Variants in PGM3 observed in about 807,000 individuals in gnomAD.
The protein encoded by PGM3 is phosphoacetylglucosamine mutase.
A neutral mutation model predicts 66.2 loss-of-function variants in PGM3; 40 were observed. The ratio of observed to expected loss-of-function variants is 0.60; its 90% CI spans 0.47 to 0.79. The LOEUF (loss-of-function observed/expected upper bound fraction) is 0.79, where lower values mean the gene tolerates loss of function less well. PGM3 is among the 30% of genes least tolerant of loss of function. PGM3 has a pLI of 0.00. For synonymous variants in PGM3, 191 were observed against 224.2 expected (o/e 0.85, Z 1.32); for missense variants, 537 against 643.4 (o/e 0.83, Z 1.79).
chr6:83,174,998 T>C (rs1787648275), intron 9 of PGM3, among the ~76,000 whole-genome samples: 3 of 152,330 alleles, frequency 2.0e-5, no homozygotes, highest in South Asian at 4.1e-4. Context: ...TTCATCATGC[T>C]CCTCAAGAGT....
At chr6:83,159,834 A>T (rs1381455188), downstream of PGM3, 1 of 1,614,168 alleles carries the variant, frequency 6.2e-7, no homozygotes, top group Non-Finnish European at 8.5e-7. Flanking sequence ...GAGACAACGT[A>T]CACAGGAGGT....
At position 83,167,565 on chromosome 6, in the gene PGM3, A is replaced by G; in HGVS notation, c.*1669T>C. On this transcript the variant is annotated 3_prime_UTR_variant, in exon 13 of 13. Transcript: ENST00000513973. ...GCTTTTTGAGTAAATACAAAGCACA[A>G]CATAAAACTTTTATGTTTGACTCTA... The G allele has an allele frequency of 9.2e-7, 1 of 1,082,476 alleles. No homozygotes were observed. Among genetic ancestry groups the G allele is most frequent in the Non-Finnish European group, 1.1e-6 (1 of 893,796 alleles). 67.1% of individuals were successfully genotyped at this position (1,082,476 alleles called of 1,614,324 possible). A position where few individuals can be genotyped will look rare whatever the true frequency, so the allele number is the denominator to read the frequency against.
At chr6:83,154,097 A>G in the PGM3 span, 1 of 1,612,754 alleles carries the variant, frequency 6.2e-7, no homozygotes, top group Non-Finnish European at 8.5e-7. Context: ...GTCTGATGAA[A>G]TCAGCTACTC....
intron 12 of PGM3, chr6:83,169,871 TGTC>T: frequency 2.3e-6 from 1 of 434,908 alleles, no homozygotes; most frequent in Non-Finnish European, 4.5e-6. Context: ...AGAGTAAGGC[TGTC>T]ATTTAAAGGA....
At chr6:83,187,991 TA>T (rs1331728575) in intron 3 of PGM3, among the ~76,000 whole-genome samples, 1 of 151,998 alleles carries the variant, frequency 6.6e-6, no homozygotes, top group African/African-American at 2.4e-5. Context: ...CAACAGAGGG[TA>T]AAAAAACCAG....
chr6:83,162,768 G>T, downstream of PGM3: 1 of 1,592,114 alleles, frequency 6.3e-7, no homozygotes, highest in South Asian at 1.1e-5. Context: ...TACTGATGCT[G>T]ATGTCATTAT....
chr6:83,172,518 G>A (rs1051641659), intron 10 of PGM3, among the ~76,000 whole-genome samples: 3 of 152,124 alleles, frequency 2.0e-5, no homozygotes, highest in African/African-American at 7.2e-5. Context: ...AATTAGCTAG[G>A]TGTGGTAGTG....
downstream of PGM3, among the ~76,000 whole-genome samples, chr6:83,164,194 A>G (rs923688297): frequency 4.6e-5 from 7 of 150,662 alleles, no homozygotes; most frequent in African/African-American, 4.9e-5. Context: ...TTCCATAACT[A>G]TAAAAATGGA....
chr6:83,164,103 T>C (rs990673072), downstream of PGM3, among the ~76,000 whole-genome samples: 1 of 147,448 alleles, frequency 6.8e-6, no homozygotes, highest in Non-Finnish European at 1.5e-5. Flanking sequence ...TGAGATCTAG[T>C]ATGCAGTGTG....
downstream of PGM3, chr6:83,159,835 C>A (rs1419183292): frequency 6.2e-7 from 1 of 1,614,150 alleles, no homozygotes; most frequent in Non-Finnish European, 8.5e-7. Flanking sequence ...AGACAACGTA[C>A]ACAGGAGGTA....
At chr6:83,186,977 G>A in intron 4 of PGM3, 31 bp downstream of exon 4, 1 of 1,235,742 alleles carries the variant, frequency 8.1e-7, no homozygotes. Flanking sequence ...TTAAATATTA[G>A]TTTAATTTCC....
chr6:83,162,531 AAAGT>A (rs1486327326), downstream of PGM3, among the ~76,000 whole-genome samples: 1 of 152,204 alleles, frequency 6.6e-6, no homozygotes, highest in East Asian at 1.9e-4. Context: ...ACTCATGAAA[AAAGT>A]AATGATGAGT....
In PGM3 at chr6:83,190,846, G is replaced by A. The variant is rs539696655; in HGVS notation, c.167C>T (p.Thr56Ile). Residue 56 changes from threonine (T) to isoleucine (I), a missense_variant, in exon 2 of 13, where the codon ACT becomes ATT. Physicochemically the swap from Thr to Ile is moderately conservative, Grantham distance 89. Transcript: ENST00000513973. ...GGACGCTGTTACCATGACTCCTATAGTGGATTTTGTCTGTTTTGACCTCAG... is the reference window on the plus strand; with the variant it reads ...GGACGCTGTTACCATGACTCCTATAATGGATTTTGTCTGTTTTGACCTCAG... ...AVLRSKQTKSTIGVMVTASHN... is the reference protein window; with the variant it reads ...AVLRSKQTKSIIGVMVTASHN... 6.2e-7 allele frequency: 1 copy of A among 1,614,046 alleles called. No homozygotes were observed. The highest frequency in any genetic ancestry group is 1.3e-5 in the African/African-American group (1 of 75,024).
At chr6:83,151,532 A>T in the PGM3 span, 1 of 1,349,332 alleles carries the variant, frequency 7.4e-7, no homozygotes, top group South Asian at 1.4e-5. Context: ...GAGAAATTAG[A>T]TCGCATTAGT....
chr6:83,184,315 G>A (rs2128500287), intron 4 of PGM3, among the ~76,000 whole-genome samples: 1 of 152,066 alleles, frequency 6.6e-6, no homozygotes, highest in East Asian at 1.9e-4. Context: ...TTTGACTGCA[G>A]GCAAAAAGGA....
Position 83,188,640 on chromosome 6 carries a change from G to A in PGM3, c.363C>T (p.Ala121=), listed in dbSNP as rs1788796145. The change falls in exon 3 of 13, where the codon GCC becomes GCT. Residue 121 remains alanine (A), a synonymous_variant. Transcript: ENST00000513973. ...TGGTATCTCTACCAATAACTACAAA[G>A]GCATCTTGTTGCAGATTCACAGCTT... ...EKEAVNLQQD[A]FVVIGRDTRP... 1 of 1,613,600 alleles carries A rather than the reference G, an allele frequency of 6.2e-7. No homozygotes were observed. The highest frequency in any genetic ancestry group is 8.5e-7 in the Non-Finnish European group (1 of 1,179,718).
chr6:83,151,459 ATATG>A, the PGM3 span: 1 of 564,276 alleles, frequency 1.8e-6, no homozygotes, highest in Non-Finnish European at 3.0e-6. Flanking sequence ...GAGTCATAGG[ATATG>A]TATATATATT....
downstream of PGM3, chr6:83,164,726 G>C: frequency 6.3e-7 from 1 of 1,586,144 alleles, no homozygotes; most frequent in Non-Finnish European, 8.6e-7. Flanking sequence ...TCAGGTGAGG[G>C]TGGCTGTTTC....
downstream of PGM3, among the ~76,000 whole-genome samples, chr6:83,160,983 A>G (rs910961375): frequency 1.8e-4 from 27 of 152,016 alleles, no homozygotes; most frequent in Admixed American, 1.4e-3. Flanking sequence ...CCATATATAT[A>G]TATATATCTA....
Sources: allele counts gnomAD v4.1 joint callset (sites outside exome capture counted in the v4.1 genomes callset), GRCh38; gene constraint gnomAD v4.1.1; transcripts MANE v1.5; gene names NCBI Gene and HGNC (gene_info 2026-07-23, HGNC 2026-07-21).